The following LRP1B variants were observed in gnomAD, a reference collection of about 807,000 sequenced individuals.
The protein encoded by LRP1B is low-density lipoprotein receptor-related protein 1B.
LRP1B carries 217 observed loss-of-function variants against 556.6 expected under a neutral mutation model. The ratio of observed to expected loss-of-function variants is 0.39; its 90% confidence interval spans 0.35 to 0.44. The LOEUF (loss-of-function observed/expected upper bound fraction) is 0.44. Among genes scored for constraint, LRP1B ranks in the 20% least tolerant of loss-of-function variants. The probability of loss-of-function intolerance (pLI) is 1.00; values close to 1 mark genes in which losing one functional copy is unlikely to be tolerated. For missense variants in LRP1B, 5,053 were observed against 5,620.8 expected (o/e 0.90, Z 3.23); for synonymous variants, 2,047 against 1,865.8 (o/e 1.10, Z -2.50).
Position 140,700,390 on chromosome 2 carries a change from T to G in LRP1B, c.6659A>C (p.Tyr2220Ser), listed in dbSNP as rs746307641. The G allele has an allele frequency of 6.2e-7, 1 of 1,613,438 alleles. No homozygotes were observed. Among genetic ancestry groups the G allele is most frequent in the Non-Finnish European group, 8.5e-7 (1 of 1,179,614 alleles). The part of the protein sequence containing the change: ...SPIRPYENPR[Y>S]FKNVIALAFD... ...AGCCAAGGCTATGACATTCTTGAAA[T>G]AACGTGGATTCTCATATGGCCTTAT... The change falls in exon 41 of 91, where the codon TAT becomes TCT. Residue 2220 changes from tyrosine to serine, a missense_variant. Tyr to Ser is a moderately radical substitution (Grantham distance 144). Around this residue, in one of 5 missense-constraint regions of LRP1B, gnomAD observed 3,619 missense variants for 3,931.9 expected, o/e 0.92. Coordinates refer to ENST00000389484, the MANE Select transcript of LRP1B (RefSeq NM_018557.3).
chr2:140,281,787 G>A (rs1056813722), intron 84 of LRP1B, among the ~76,000 whole-genome samples: 14 of 151,878 alleles, frequency 9.2e-5, no homozygotes, highest in Non-Finnish European at 1.2e-4. Flanking sequence ...TGAGGAGCCA[G>A]TTTCCGTGCA....
In LRP1B at chr2:140,975,272, A is replaced by AAATGAAAAGGAGGAAGTTCAGGG. The variant is rs1335548004; in HGVS notation, c.2887+6865_2887+6887dup. On this transcript the variant is annotated intron_variant, in intron 18 of 90. Coordinates refer to ENST00000389484, the MANE Select transcript of LRP1B (RefSeq NM_018557.3). ...TGAAGAAGGGAAAAGAAGAGAGAAG[A>AAATGAAAAGGAGGAAGTTCAGGG]AATGAAAAGGAGGAAGTTCAGGGAA... Among the ~76,000 whole-genome samples the AAATGAAAAGGAGGAAGTTCAGGG allele has an allele frequency of 1.3e-3, 191 of 152,270 alleles. 1 individual carries two copies. Among genetic ancestry groups the AAATGAAAAGGAGGAAGTTCAGGG allele is most frequent in the African/African-American group, 4.2e-3 (174 of 41,554 alleles).
intron 32 of LRP1B, among the ~76,000 whole-genome samples, chr2:140,799,508 G>C (rs569419331): frequency 6.6e-6 from 1 of 152,272 alleles, no homozygotes; most frequent in African/African-American, 2.4e-5. Flanking sequence ...CGTTAAGGCA[G>C]CCCAAGCTGT....
chr2:140,578,439 T>C (rs6740070), intron 43 of LRP1B, among the ~76,000 whole-genome samples: 39,780 of 152,102 alleles, frequency 0.26, 6,690 homozygotes, highest in African/African-American at 0.47. Context: ...AAATAAATTC[T>C]TTTACTGCTC....
At chr2:140,287,844 T>A (rs1220426375) in intron 84 of LRP1B, among the ~76,000 whole-genome samples, 4 of 151,760 alleles carry the variant, frequency 2.6e-5, no homozygotes, top group Non-Finnish European at 4.4e-5. Context: ...GAAAAATTAT[T>A]GTCTGTCTCT....
At chr2:141,720,562 C>A (rs1692775100) in intron 2 of LRP1B, among the ~76,000 whole-genome samples, 1 of 152,038 alleles carries the variant, frequency 6.6e-6, no homozygotes, top group Admixed American at 6.5e-5. Flanking sequence ...GAAGAGATGA[C>A]TAACTTTATG....
At chr2:141,394,780 C>A (rs973043768) in intron 3 of LRP1B, among the ~76,000 whole-genome samples, 6 of 152,018 alleles carry the variant, frequency 3.9e-5, no homozygotes, top group Non-Finnish European at 7.4e-5. Flanking sequence ...AACTGAAAAA[C>A]TTGCACACGG....
At chr2:141,339,684 T>C (rs887915369) in intron 3 of LRP1B, among the ~76,000 whole-genome samples, 11 of 152,200 alleles carry the variant, frequency 7.2e-5, no homozygotes, top group Non-Finnish European at 1.5e-4. Flanking sequence ...GTGGCGTGGT[T>C]TCAACATGAA....
At chr2:141,888,763 G>A (rs956241952) in intron 1 of LRP1B, among the ~76,000 whole-genome samples, 1 of 152,176 alleles carries the variant, frequency 6.6e-6, no homozygotes, top group Non-Finnish European at 1.5e-5. Flanking sequence ...CAGTGCTCGG[G>A]AAGTTAGAAG....
chr2:140,629,080 G>T (rs939662399), intron 41 of LRP1B, among the ~76,000 whole-genome samples: 3 of 150,570 alleles, frequency 2.0e-5, no homozygotes, highest in African/African-American at 7.3e-5. Flanking sequence ...TTGAGATGAG[G>T]TCTCACTCTG....
At chr2:141,288,936 T>G (rs201756618) in intron 3 of LRP1B, among the ~76,000 whole-genome samples, 1 of 152,192 alleles carries the variant, frequency 6.6e-6, no homozygotes, top group Non-Finnish European at 1.5e-5. Flanking sequence ...TTCAATATCA[T>G]GAAATCCAAA....
chr2:141,175,903 T>A (rs1680713648), intron 7 of LRP1B, among the ~76,000 whole-genome samples: 1 of 152,070 alleles, frequency 6.6e-6, no homozygotes, highest in South Asian at 2.1e-4. Flanking sequence ...ACCCCTTGTA[T>A]CAGCATGCCC....
chr2:140,238,414 T>TA, intron 88 of LRP1B, 118 bp from the exon 89 acceptor site: 1 of 562,506 alleles, frequency 1.8e-6, no homozygotes, highest in Non-Finnish European at 2.9e-6. Context: ...AAATGACATT[T>TA]GTCAAGTAAC....
At chr2:141,592,883 C>G (rs1384921896) in intron 2 of LRP1B, among the ~76,000 whole-genome samples, 2 of 152,150 alleles carry the variant, frequency 1.3e-5, no homozygotes, top group African/African-American at 2.4e-5. Context: ...AGCAACTTGT[C>G]TGATGGGCAA....
At chr2:140,827,910 T>C (rs1389571248) in intron 31 of LRP1B, among the ~76,000 whole-genome samples, 1 of 152,046 alleles carries the variant, frequency 6.6e-6, no homozygotes, top group Non-Finnish European at 1.5e-5. Flanking sequence ...TCCAATTCAC[T>C]TGGCAATAGA....
chr2:141,283,436 G>A (rs1685581568), intron 3 of LRP1B, among the ~76,000 whole-genome samples: 1 of 151,936 alleles, frequency 6.6e-6, no homozygotes. Context: ...GGGAGGTGGG[G>A]AGGTGGTGAG....
At chr2:140,444,248 A>T (rs1336891397) in intron 65 of LRP1B, 82 bp downstream of exon 65, 1 of 1,414,382 alleles carries the variant, frequency 7.1e-7, no homozygotes, top group Admixed American at 1.9e-5. Context: ...CATCATATGA[A>T]TTTATGAAGT....
chr2:142,127,398 C>CCATCCATCCATCCATCCATT (rs1289008518), intron 1 of LRP1B, among the ~76,000 whole-genome samples: 1 of 151,760 alleles, frequency 6.6e-6, no homozygotes, highest in Non-Finnish European at 1.5e-5. Flanking sequence ...ATCCATCCAT[C>CCATCCATCCATCCATCCATT]CATCCATTCA....
At chr2:141,631,015 C>A (rs78705708) in intron 2 of LRP1B, among the ~76,000 whole-genome samples, 80 of 152,164 alleles carry the variant, frequency 5.3e-4, no homozygotes, top group South Asian at 1.7e-3. Flanking sequence ...CTGCTATAAA[C>A]GACTGCCTGA....
Sources: gnomAD v4.1 joint callset for allele counts (sites outside exome capture counted in the v4.1 genomes callset) on GRCh38, gnomAD v4.1.1 for gene constraint, gnomAD v4.1.1 regional missense constraint, MANE v1.5 for transcripts, NCBI Gene and HGNC (gene_info 2026-07-23, HGNC 2026-07-21) for gene names.